TRIP11: variants seen among roughly 807,000 people sequenced by gnomAD.
TRIP11 encodes the protein thyroid hormone receptor interactor 11.
In TRIP11, 148 loss-of-function variants were observed where a neutral mutation model predicts 223.1. The observed-to-expected ratio is 0.66, with a 90% CI of 0.58 to 0.76. TRIP11 has a LOEUF of 0.76. Ranked by LOEUF, TRIP11 falls within the 30% of genes least tolerant of loss-of-function variation. The pLI, the probability that TRIP11 is intolerant of heterozygous loss-of-function variation, is 0.00. For missense variants in TRIP11, 2,043 were observed against 2,222.0 expected (o/e 0.92, Z 1.62); for synonymous variants, 762 against 772.6 (o/e 0.99, Z 0.23).
chr14:92,014,726 A>G (rs1006356491), intron 6 of TRIP11, 149 bp from the exon 7 acceptor site: 3 of 835,272 alleles, frequency 3.6e-6, no homozygotes, highest in Admixed American at 3.4e-5. Flanking sequence ...TTTAAAATAA[A>G]TAAGTTGGGG....
At chr14:91,989,534 G>A (rs537051058) in intron 15 of TRIP11, among the ~76,000 whole-genome samples, 2 of 149,078 alleles carry the variant, frequency 1.3e-5, no homozygotes, top group South Asian at 2.2e-4. Flanking sequence ...TAGTAGGCAG[G>A]TCTCTCCTCA....
In TRIP11 at chr14:92,004,862, C is replaced by T. The variant is rs747629203; in HGVS notation, c.3114G>A (p.Lys1038=). ...RELEIKLLNE[K]NISLTKQIDQ... ...CAATCTGTTTAGTTAAAGATATATT[C>T]TTTTCATTTAGAAGTTTAATCTCCA... The change falls in exon 11 of 21, where the codon AAG becomes AAA. Residue 1038 remains lysine (K), a synonymous_variant. Transcript: ENST00000267622. The T allele has an allele frequency of 1.2e-6, 2 of 1,613,788 alleles. No homozygotes were observed. Among genetic ancestry groups the T allele is most frequent in the African/African-American group, 1.3e-5 (1 of 75,036 alleles).
intron 15 of TRIP11, among the ~76,000 whole-genome samples, chr14:91,993,476 C>CAAAA (rs59244424): frequency 1.2e-4 from 6 of 51,650 alleles, no homozygotes; most frequent in African/African-American, 4.2e-4. Flanking sequence ...AACTCGGTCT[C>CAAAA]AAAAAAAAAA....
In TRIP11 at chr14:91,974,738, A is replaced by G. The variant is rs1178653867; in HGVS notation, c.5463T>C (p.Phe1821=). 10 of 1,610,070 alleles carry G rather than the reference A, an allele frequency of 6.2e-6. No individual in the cohort carries two copies. The highest frequency in any genetic ancestry group is 1.7e-5 in the Admixed American group (1 of 59,914). The change falls in exon 19 of 21, where the codon TTT becomes TTC. Residue 1821 remains phenylalanine (F), a synonymous_variant. Transcript: ENST00000267622. Reference sequence around the variant, plus strand: ...TGGTAACACCGCCCTGATCGTCATGAAACAACTGAAAGATTATTTTAAAAC... The same window carrying G: ...TGGTAACACCGCCCTGATCGTCATGGAACAACTGAAAGATTATTTTAAAAC... ...GVRREEMEQL[F]HDDQGGVTRW... is the part of the protein sequence containing the mutation.
chr14:91,989,348 C>T (rs2056645143), intron 15 of TRIP11, among the ~76,000 whole-genome samples: 1 of 151,752 alleles, frequency 6.6e-6, no homozygotes, highest in Non-Finnish European at 1.5e-5. Flanking sequence ...TCCTTCCTTC[C>T]TATGGACAGC....
In TRIP11 at chr14:92,025,325, T is replaced by A. The variant is rs1427804097; in HGVS notation, c.297A>T (p.Gln99His). The change falls in exon 3 of 21, where the codon CAA (glutamine) becomes CAT (histidine). Residue 99 changes from glutamine to histidine, a missense_variant. Transcript: ENST00000267622. Reference sequence around the variant, plus strand: ...TAACATTTACCTCTTTTTGTTGAAGTTGATTTCGGTAACTTGTAGATTGCT... The same window carrying A: ...TAACATTTACCTCTTTTTGTTGAAGATGATTTCGGTAACTTGTAGATTGCT... ...IKQQSTSYRN[Q>H]LQQKEVEISH... 1 of 1,613,334 alleles carries A rather than the reference T, an allele frequency of 6.2e-7. No homozygotes were observed. The highest frequency in any genetic ancestry group is 1.7e-5 in the Admixed American group (1 of 60,028).
intron 20 of TRIP11, among the ~76,000 whole-genome samples, chr14:91,970,781 A>G (rs559529341): frequency 6.6e-6 from 1 of 152,340 alleles, no homozygotes; most frequent in Non-Finnish European, 1.5e-5. Context: ...CTTAAATACC[A>G]GTTATGTAAC....
chr14:91,972,259 G>A (rs1010545759), intron 20 of TRIP11, among the ~76,000 whole-genome samples: 3 of 152,140 alleles, frequency 2.0e-5, no homozygotes, highest in Admixed American at 1.3e-4. Context: ...ATATTAACAT[G>A]CCAATGTTTG....
In TRIP11 at chr14:91,983,554, T is replaced by C. The variant is rs11847943; in HGVS notation, c.5260+4730A>G. On this transcript the variant is annotated intron_variant, in intron 16 of 20. Coordinates refer to ENST00000267622, the MANE Select transcript of TRIP11 (RefSeq NM_004239.4). Reference sequence around the variant, plus strand: ...TTAAACTGCAATTTCTAAAATACAGTTCAGTTGAAAAAGGTTTAATTATTT... The same window carrying C: ...TTAAACTGCAATTTCTAAAATACAGCTCAGTTGAAAAAGGTTTAATTATTT... 5.5e-3 allele frequency among the ~76,000 whole-genome samples: 832 copies of C among 152,364 alleles called. 8 individuals carry two copies. The highest frequency in any genetic ancestry group is 0.019 in the African/African-American group (801 of 41,586).
chr14:91,999,868 C>T, intron 12 of TRIP11, 100 bp downstream of exon 12: 1 of 1,495,072 alleles, frequency 6.7e-7, no homozygotes, highest in Non-Finnish European at 9.2e-7. Flanking sequence ...AGAAAAATCA[C>T]CTAACAGAGA....
chr14:91,988,907 T>C (rs752779570), intron 15 of TRIP11, among the ~76,000 whole-genome samples: 1 of 152,218 alleles, frequency 6.6e-6, no homozygotes, highest in Non-Finnish European at 1.5e-5. Context: ...CTATTTCTCC[T>C]GTCCATCTGT....
intron 16 of TRIP11, among the ~76,000 whole-genome samples, chr14:91,987,901 G>A (rs2056622362): frequency 6.6e-6 from 1 of 152,190 alleles, no homozygotes; most frequent in Non-Finnish European, 1.5e-5. Context: ...ACAGAAAGTT[G>A]CTCTTTTATT....
intron 2 of TRIP11, among the ~76,000 whole-genome samples, chr14:92,029,310 T>G (rs1363288407): frequency 1.1e-5 from 1 of 94,248 alleles, no homozygotes; most frequent in Admixed American, 1.1e-4. Flanking sequence ...TTTTTTTTTT[T>G]TTTGAGATGG....
intron 15 of TRIP11, among the ~76,000 whole-genome samples, chr14:91,991,007 G>A (rs75082779): frequency 0.017 from 2,612 of 152,270 alleles, 66 homozygotes; most frequent in African/African-American, 0.051. Context: ...TTAGGGAAGT[G>A]CAAATTAAAA....
intron 15 of TRIP11, among the ~76,000 whole-genome samples, chr14:91,991,891 T>C (rs1335788306): frequency 6.6e-6 from 1 of 151,898 alleles, no homozygotes; most frequent in Non-Finnish European, 1.5e-5. Context: ...AACAACAGCC[T>C]GGCCAACATG....
chr14:92,020,843 G>A (rs879530710), intron 4 of TRIP11, among the ~76,000 whole-genome samples: 3 of 151,790 alleles, frequency 2.0e-5, no homozygotes, highest in Admixed American at 6.6e-5. Flanking sequence ...AGGCCAAGGC[G>A]GGCAGATCAC....
In TRIP11 at chr14:91,968,833, T is replaced by C. The variant is rs368630607; in HGVS notation, c.*840A>G. On this transcript the variant is annotated 3_prime_UTR_variant, in exon 21 of 21. Coordinates refer to ENST00000267622, the MANE Select transcript of TRIP11 (RefSeq NM_004239.4). ...AATGACTGAGATGGAGAACAGTAAG[T>C]GGTTGTCAGGGATTAAGGAGAGGGC... 4.3e-5 allele frequency: 10 copies of C among 233,096 alleles called. No individual in the cohort carries two copies. Among genetic ancestry groups the C allele is most frequent in the East Asian group, 3.0e-4 (5 of 16,436 alleles). The allele number at this position is 233,096 out of a possible 1,614,324, so 14.4% of individuals were successfully genotyped here. A position where few individuals can be genotyped will look rare whatever the true frequency, so the allele number is the denominator to read the frequency against.
At chr14:91,999,768 G>A (rs566970849) in intron 12 of TRIP11, among the ~76,000 whole-genome samples, 200 bp downstream of exon 12, 2 of 152,006 alleles carry the variant, frequency 1.3e-5, no homozygotes, top group Admixed American at 1.3e-4. Context: ...TCTTATATCC[G>A]AGATATGCCA....
rs1189403733 is a variant in TRIP11, at chr14:91,988,293, T to G, written c.5251A>C (p.Lys1751Gln). 3.1e-6 allele frequency: 5 copies of G among 1,611,430 alleles called. No homozygotes were observed. The highest frequency in any genetic ancestry group is 4.0e-4 in the Middle Eastern group (2 of 5,052). Residue 1751 changes from lysine to glutamine, a missense_variant, in exon 16 of 21, where the codon AAA becomes CAA. Coordinates refer to ENST00000267622, the MANE Select transcript of TRIP11 (RefSeq NM_004239.4). The part of the protein sequence containing the change: ...DVKEEQIEEL[K>Q]RQNELRQEML... ...AAAGAAAAAAACCTACTTTGTCTTT[T>G]AAGTTCTTCAATTTGTTCTTCTTTT...
Sources: allele counts gnomAD v4.1 joint callset (sites outside exome capture counted in the v4.1 genomes callset), GRCh38; gene constraint gnomAD v4.1.1; transcripts MANE v1.5; gene names NCBI Gene and HGNC (gene_info 2026-07-23, HGNC 2026-07-21).